Variants in SBF2 observed in about 807,000 individuals in gnomAD.
SBF2 encodes myotubularin-related protein 13.
Under a neutral mutation model 225.2 loss-of-function variants are expected in SBF2, and 112 were observed. That is an observed-to-expected ratio of 0.50 (90% CI 0.43 to 0.58). The LOEUF (loss-of-function observed/expected upper bound fraction) is 0.58. SBF2 is among the 20% of genes least tolerant of loss of function. The pLI is 0.00. For synonymous variants in SBF2, 763 were observed against 773.3 expected (o/e 0.99, Z 0.22); for missense variants, 1,996 against 2,206.2 (o/e 0.90, Z 1.91).
chr11:10,255,408 G>A (rs529223983), intron 1 of SBF2, among the ~76,000 whole-genome samples: 1 of 152,040 alleles, frequency 6.6e-6, no homozygotes. Context: ...CAAATCTACT[G>A]GTTTGTCAAG....
At chr11:9,943,274 A>G (rs11602465) in intron 16 of SBF2, among the ~76,000 whole-genome samples, 30,405 of 152,182 alleles carry the variant, frequency 0.2, 3,921 homozygotes, top group Non-Finnish European at 0.3. Flanking sequence ...TAAAATAACT[A>G]AACATTTTAA....
chr11:10,096,522 G>C (rs948408785), intron 2 of SBF2, among the ~76,000 whole-genome samples: 1 of 149,650 alleles, frequency 6.7e-6, no homozygotes, highest in Non-Finnish European at 1.5e-5. Flanking sequence ...ATTCCTTGCT[G>C]TCCATTACAC....
intron 2 of SBF2, 24 bp from the exon 3 acceptor site, chr11:10,043,005 G>A (rs1949712312): frequency 6.2e-7 from 1 of 1,605,918 alleles, no homozygotes; most frequent in East Asian, 2.2e-5. Flanking sequence ...AAAAAAAAAT[G>A]TAACATTTAA....
chr11:9,886,020 C>T (rs184350163), intron 17 of SBF2, among the ~76,000 whole-genome samples: 2 of 152,252 alleles, frequency 1.3e-5, no homozygotes, highest in Non-Finnish European at 2.9e-5. Flanking sequence ...ACACATGGTC[C>T]CTTTACCTGT....
intron 2 of SBF2, among the ~76,000 whole-genome samples, chr11:10,084,094 GTA>G (rs1241528750): frequency 6.6e-6 from 1 of 152,140 alleles, no homozygotes; most frequent in Non-Finnish European, 1.5e-5. Context: ...TGTTTGCAAA[GTA>G]TCTATCCAAC....
At chr11:10,260,718 A>G (rs955780852) in intron 1 of SBF2, among the ~76,000 whole-genome samples, 7 of 151,686 alleles carry the variant, frequency 4.6e-5, no homozygotes, top group Non-Finnish European at 1.0e-4. Context: ...AAAAAAAAAA[A>G]AAGATTTTAA....
intron 2 of SBF2, among the ~76,000 whole-genome samples, chr11:10,132,216 T>C (rs982580681): frequency 2.6e-5 from 4 of 152,304 alleles, no homozygotes; most frequent in Non-Finnish European, 5.9e-5. Context: ...TCCACTGACC[T>C]AGTGGTCAAT....
intron 1 of SBF2, among the ~76,000 whole-genome samples, chr11:10,203,781 A>G (rs1382996449): frequency 6.8e-6 from 1 of 148,116 alleles, no homozygotes; most frequent in African/African-American, 2.5e-5. Context: ...ACTACAAGGA[A>G]AAAAAGGTTA....
Position 9,785,327 on chromosome 11 carries a change from G to C in SBF2, c.5038-9C>G, listed in dbSNP as rs1453213030. On this transcript the variant is annotated splice_polypyrimidine_tract_variant and intron_variant, in intron 36 of 39. Coordinates refer to ENST00000256190, the MANE Select transcript of SBF2 (RefSeq NM_030962.4). ...GACAGGTGTCTTTGGGACTGAAAAA[G>C]ACAGGACAGGAGCTAGGAAACCTTT... is the stretch of plus-strand genomic sequence containing the variant. The C allele has an allele frequency of 1.9e-6, 3 of 1,612,280 alleles. No homozygotes were observed. Among genetic ancestry groups the C allele is most frequent in the Non-Finnish European group, 2.5e-6 (3 of 1,178,444 alleles).
chr11:10,085,390 G>C (rs1045133912), intron 2 of SBF2, among the ~76,000 whole-genome samples: 6 of 151,910 alleles, frequency 3.9e-5, no homozygotes, highest in African/African-American at 1.5e-4. Flanking sequence ...AAATGTATCA[G>C]GACTATCCGG....
At chr11:10,089,938 C>A (rs1951712655) in intron 2 of SBF2, among the ~76,000 whole-genome samples, 1 of 152,112 alleles carries the variant, frequency 6.6e-6, no homozygotes, top group African/African-American at 2.4e-5. Flanking sequence ...ACCAAAATGT[C>A]CATCAATAGA....
chr11:9,980,169 C>T (rs1212416872), intron 13 of SBF2, among the ~76,000 whole-genome samples: 11 of 151,114 alleles, frequency 7.3e-5, no homozygotes, highest in Non-Finnish European at 1.0e-4. Flanking sequence ...TTAGTAGAGA[C>T]GGGATTTCAC....
At chr11:10,035,834 A>G (rs2134654469) in intron 3 of SBF2, among the ~76,000 whole-genome samples, 1 of 152,358 alleles carries the variant, frequency 6.6e-6, no homozygotes, top group East Asian at 1.9e-4. Context: ...TAGTTCAACC[A>G]TTGTGGTAGA....
intron 2 of SBF2, among the ~76,000 whole-genome samples, chr11:10,098,948 AAAAG>A (rs1401311573): frequency 3.3e-5 from 5 of 152,172 alleles, no homozygotes; most frequent in African/African-American, 1.2e-4. Flanking sequence ...AAGTCTCAGA[AAAAG>A]AAGACAAAAA....
At chr11:10,072,910 T>C (rs546066545) in intron 2 of SBF2, among the ~76,000 whole-genome samples, 8 of 149,736 alleles carry the variant, frequency 5.3e-5, no homozygotes, top group African/African-American at 1.5e-4. Context: ...ATTATTATTA[T>C]TATCATCATC....
chr11:10,216,365 A>G (rs1958129419), intron 1 of SBF2, among the ~76,000 whole-genome samples: 1 of 152,244 alleles, frequency 6.6e-6, no homozygotes, highest in African/African-American at 2.4e-5. Context: ...GTTACCTAGA[A>G]TAAGAAAAAA....
At chr11:9,976,644 T>C (rs1278719647) in intron 13 of SBF2, among the ~76,000 whole-genome samples, 2 of 152,138 alleles carry the variant, frequency 1.3e-5, no homozygotes, top group Admixed American at 6.5e-5. Context: ...ACAAAAATTG[T>C]CAAATTACAT....
intron 1 of SBF2, among the ~76,000 whole-genome samples, chr11:10,286,030 G>T (rs1963746510): frequency 6.6e-6 from 1 of 151,872 alleles, no homozygotes; most frequent in African/African-American, 2.4e-5. Context: ...AAAAAAGCCT[G>T]TTGCCCAGGC....
At chr11:9,912,994 A>G (rs1862767468) in intron 16 of SBF2, among the ~76,000 whole-genome samples, 1 of 152,238 alleles carries the variant, frequency 6.6e-6, no homozygotes, top group Non-Finnish European at 1.5e-5. Flanking sequence ...ACTTCAAAAA[A>G]GAGAAAACCG....
Sources: allele counts gnomAD v4.1 joint callset (sites outside exome capture counted in the v4.1 genomes callset), GRCh38; gene constraint gnomAD v4.1.1; transcripts MANE v1.5; gene names NCBI Gene and HGNC (gene_info 2026-07-23, HGNC 2026-07-21).